The following GRM7 variants were observed in gnomAD, a reference collection of about 807,000 sequenced individuals.
GRM7 encodes the protein glutamate metabotropic receptor 7, also known as metabotropic glutamate receptor 7.
Under a neutral mutation model 84.5 loss-of-function variants are expected in GRM7, and 35 were observed. The ratio of observed to expected loss-of-function variants is 0.41; its 90% CI spans 0.32 to 0.55. The LOEUF (loss-of-function observed/expected upper bound fraction) is 0.55, where lower values mean the gene tolerates loss of function less well. Among genes scored for constraint, GRM7 ranks in the 20% least tolerant of loss-of-function variants. GRM7 has a pLI of 0.19. For missense variants in GRM7, 1,003 were observed against 1,194.6 expected (o/e 0.84, Z 2.36); for synonymous variants, 487 against 455.1 (o/e 1.07, Z -0.89).
At chr3:7,142,039 C>T (rs1342129247) in intron 1 of GRM7, among the ~76,000 whole-genome samples, 1 of 152,002 alleles carries the variant, frequency 6.6e-6, no homozygotes, top group African/African-American at 2.4e-5. Flanking sequence ...TAAAGGCTTG[C>T]ATTAGCTCTG....
intron 1 of GRM7, among the ~76,000 whole-genome samples, chr3:7,008,959 A>G (rs769979897): frequency 2.0e-5 from 3 of 152,178 alleles, no homozygotes; most frequent in Non-Finnish European, 4.4e-5. Flanking sequence ...CATAAAATGT[A>G]TGTGAGGCTC....
At chr3:7,406,836 A>T (rs536102751) in intron 4 of GRM7, among the ~76,000 whole-genome samples, 7 of 152,324 alleles carry the variant, frequency 4.6e-5, no homozygotes, top group African/African-American at 1.7e-4. Flanking sequence ...AGATCAAAAA[A>T]TTTGCACATT....
intron 7 of GRM7, among the ~76,000 whole-genome samples, chr3:7,566,431 C>T (rs1295299186): frequency 2.9e-4 from 44 of 152,134 alleles, no homozygotes; most frequent in Non-Finnish European, 2.9e-5. Context: ...ATTATGTTTA[C>T]ATTATAATAT....
At chr3:7,605,983 G>T (rs1218621452) in intron 8 of GRM7, among the ~76,000 whole-genome samples, 1 of 152,196 alleles carries the variant, frequency 6.6e-6, no homozygotes, top group Non-Finnish European at 1.5e-5. Flanking sequence ...GATGGGCCAT[G>T]TTGACCGATG....
At chr3:7,505,589 C>A (rs1307512157) in intron 7 of GRM7, among the ~76,000 whole-genome samples, 1 of 152,214 alleles carries the variant, frequency 6.6e-6, no homozygotes, top group Non-Finnish European at 1.5e-5. Flanking sequence ...CTCTTGCTTT[C>A]TGCATGCCTG....
intron 4 of GRM7, among the ~76,000 whole-genome samples, chr3:7,413,343 C>A (rs957364759): frequency 1.3e-5 from 2 of 152,264 alleles, no homozygotes; most frequent in Admixed American, 6.5e-5. Context: ...TTAAGTCTCT[C>A]GTGGACAATT....
intron 1 of GRM7, among the ~76,000 whole-genome samples, chr3:7,104,085 AG>A (rs1458572410): frequency 6.6e-6 from 1 of 151,344 alleles, no homozygotes; most frequent in Non-Finnish European, 1.5e-5. Context: ...TGAGGTCATG[AG>A]GGTAGTCGTC....
intron 4 of GRM7, among the ~76,000 whole-genome samples, chr3:7,378,853 C>T (rs1694467945): frequency 1.3e-5 from 2 of 152,090 alleles, no homozygotes. Context: ...GAAAGAGAAT[C>T]CCAGACATCC....
At chr3:7,098,963 T>A (rs1286644723) in intron 1 of GRM7, among the ~76,000 whole-genome samples, 2 of 151,794 alleles carry the variant, frequency 1.3e-5, no homozygotes, top group East Asian at 3.9e-4. Context: ...TGCCTGTGGG[T>A]TTTTCTTTAT....
At chr3:7,692,338 G>T (rs545489638) in intron 9 of GRM7, among the ~76,000 whole-genome samples, 2 of 152,160 alleles carry the variant, frequency 1.3e-5, no homozygotes, top group Admixed American at 1.3e-4. Flanking sequence ...TGTCTTGAGT[G>T]ATAGAATGAT....
intron 1 of GRM7, among the ~76,000 whole-genome samples, chr3:7,007,340 A>G (rs1192598354): frequency 3.9e-5 from 6 of 152,216 alleles, no homozygotes; most frequent in African/African-American, 1.4e-4. Flanking sequence ...GGAAGCATCA[A>G]TAAGAATGTG....
At chr3:7,224,728 G>A (rs2124884299) in intron 2 of GRM7, among the ~76,000 whole-genome samples, 1 of 152,244 alleles carries the variant, frequency 6.6e-6, no homozygotes, top group Admixed American at 6.5e-5. Context: ...AGAAATTATG[G>A]AGAACCGTTC....
At position 7,740,514 on chromosome 3, in the gene GRM7, T is replaced by G. The variant is rs1215398424; in HGVS notation, c.*108T>G. 1.7e-6 allele frequency: 1 copy of G among 605,874 alleles called. No individual in the cohort carries two copies. The highest frequency in any genetic ancestry group is 2.8e-6 in the Non-Finnish European group (1 of 351,520). The allele number at this position is 605,874 out of a possible 1,614,324, so 37.5% of individuals were successfully genotyped here. ...ACCCGCTTCCCATCACCGGAGGAGC[T>G]TCCCCGGCCGGGAGACCAGTGTTAG... On this transcript the variant is annotated 3_prime_UTR_variant, in exon 10 of 10. Coordinates refer to ENST00000357716, the MANE Select transcript of GRM7 (RefSeq NM_000844.4).
intron 2 of GRM7, among the ~76,000 whole-genome samples, chr3:7,207,133 C>A (rs1696266434): frequency 1.3e-5 from 2 of 152,160 alleles, no homozygotes; most frequent in Admixed American, 1.3e-4. Flanking sequence ...TGAAGGAATG[C>A]ATTCACTACT....
intron 1 of GRM7, among the ~76,000 whole-genome samples, chr3:7,078,050 A>T (rs1417358644): frequency 6.6e-6 from 1 of 152,192 alleles, no homozygotes; most frequent in East Asian, 1.9e-4. Context: ...GGCATTGGGT[A>T]AATGAATGGG....
At chr3:7,546,515 C>T (rs1693158936) in intron 7 of GRM7, among the ~76,000 whole-genome samples, 1 of 152,228 alleles carries the variant, frequency 6.6e-6, no homozygotes, top group Non-Finnish European at 1.5e-5. Flanking sequence ...GCAGGTAACA[C>T]AGCGTCAAGG....
At chr3:7,630,060 G>A (rs1697798259) in intron 8 of GRM7, among the ~76,000 whole-genome samples, 1 of 152,210 alleles carries the variant, frequency 6.6e-6, no homozygotes. Flanking sequence ...TACATTGTTA[G>A]TAAAATCCGA....
intron 4 of GRM7, among the ~76,000 whole-genome samples, chr3:7,385,799 C>T (rs1312693664): frequency 6.6e-6 from 1 of 152,080 alleles, no homozygotes; most frequent in Non-Finnish European, 1.5e-5. Flanking sequence ...TTGGCAGAAG[C>T]CAAATATTAA....
intron 2 of GRM7, among the ~76,000 whole-genome samples, chr3:7,222,137 C>A (rs902270290): frequency 3.9e-5 from 6 of 152,086 alleles, no homozygotes; most frequent in African/African-American, 9.6e-5. Context: ...TTAAAAAAAA[C>A]CAGCCCTCTT....
Sources: gnomAD v4.1 joint callset for allele counts (sites outside exome capture counted in the v4.1 genomes callset) on GRCh38, gnomAD v4.1.1 for gene constraint, MANE v1.5 for transcripts, NCBI Gene and HGNC (gene_info 2026-07-23, HGNC 2026-07-21) for gene names.